Variants in MAP4K4 observed in about 807,000 individuals in gnomAD.
MAP4K4 encodes the protein HPK/GCK-like kinase HGK.
In MAP4K4, 38 loss-of-function variants were observed where a neutral mutation model predicts 189.6. That is an observed-to-expected ratio of 0.20 (90% CI 0.15 to 0.26). MAP4K4 has a LOEUF of 0.26. Among genes scored for constraint, MAP4K4 ranks in the 10% least tolerant of loss-of-function variants. The pLI is 1.00. For synonymous variants in MAP4K4, 610 were observed against 624.3 expected (o/e 0.98, Z 0.34); for missense variants, 1,054 against 1,726.9 (o/e 0.61, Z 6.91).
chr2:101,793,315 C>T (rs1283510364), intron 3 of MAP4K4, among the ~76,000 whole-genome samples: 1 of 152,176 alleles, frequency 6.6e-6, no homozygotes, highest in East Asian at 1.9e-4. Context: ...AGTCATTGCC[C>T]ATAGTAAGTG....
chr2:101,725,974 G>A (rs554653626), intron 2 of MAP4K4, among the ~76,000 whole-genome samples: 2 of 145,758 alleles, frequency 1.4e-5, no homozygotes, highest in East Asian at 3.9e-4. Context: ...TAAAAGCTGA[G>A]TGTTCTTATG....
At chr2:101,855,120 G>A (rs983674934) in intron 12 of MAP4K4, among the ~76,000 whole-genome samples, 48 of 152,168 alleles carry the variant, frequency 3.2e-4, no homozygotes, top group Admixed American at 3.9e-4. Flanking sequence ...ATGTCATCTT[G>A]CTCTGTTCTG....
At position 101,785,656 on chromosome 2, in the gene MAP4K4, C is replaced by CTCT; in HGVS notation, c.124-5063_124-5062insCTT. On this transcript the variant is annotated intron_variant, in intron 2 of 32. Transcript: ENST00000324219. ...TTTGAGAAGATAGGAACATTGCCAT[C>CTCT]TTCTTCTTTCTTTCTTTCTCCCTCT... Among the ~76,000 whole-genome samples the CTCT allele has an allele frequency of 7.9e-5, 5 of 62,930 alleles. 1 individual carries two copies. The highest frequency in any genetic ancestry group is 6.7e-3 in the Middle Eastern group (1 of 150). 41.3% of individuals were successfully genotyped at this position (62,930 alleles called of 152,430 possible).
chr2:101,856,119 G>A, exon 13 of MAP4K4: 1 of 1,551,332 alleles, frequency 6.4e-7, no homozygotes, highest in Non-Finnish European at 8.7e-7. Flanking sequence ...GAAGAAAAGA[G>A]GAGAGTTGAA....
At chr2:101,859,788 A>T (rs1308849887) in exon 15 of MAP4K4, 1 of 1,611,276 alleles carries the variant, frequency 6.2e-7, no homozygotes. Flanking sequence ...CCACCACCGC[A>T]GCAGGAAAGG....
intron 2 of MAP4K4, among the ~76,000 whole-genome samples, chr2:101,789,192 G>C (rs1480019211): frequency 6.6e-6 from 1 of 152,200 alleles, no homozygotes; most frequent in African/African-American, 2.4e-5. Context: ...AGTTGCCAAG[G>C]AGATGAACTT....
At chr2:101,795,397 T>G (rs1473271658) in intron 3 of MAP4K4, among the ~76,000 whole-genome samples, 1 of 152,236 alleles carries the variant, frequency 6.6e-6, no homozygotes, top group Non-Finnish European at 1.5e-5. Context: ...CTTCTCTCTT[T>G]GTCTGGATAT....
At chr2:101,731,337 G>C (rs1054260905) in intron 2 of MAP4K4, among the ~76,000 whole-genome samples, 6 of 151,754 alleles carry the variant, frequency 4.0e-5, no homozygotes, top group Non-Finnish European at 8.8e-5. Context: ...GGCTGGCCTC[G>C]AACTCCTGAC....
chr2:101,877,139 A>G (rs777078711), exon 27 of MAP4K4: 16 of 1,614,006 alleles, frequency 9.9e-6, no homozygotes, highest in Admixed American at 3.3e-5. Flanking sequence ...TCTTGGTGAC[A>G]ATATCTGGTG....
chr2:101,788,252 A>G (rs534827743), intron 2 of MAP4K4, among the ~76,000 whole-genome samples: 2 of 152,224 alleles, frequency 1.3e-5, no homozygotes, highest in Non-Finnish European at 2.9e-5. Context: ...CAAGGAAATC[A>G]GCATGGGCCT....
At chr2:101,855,991 G>A in exon 13 of MAP4K4, 1 of 1,549,508 alleles carries the variant, frequency 6.5e-7, no homozygotes, top group Non-Finnish European at 8.7e-7. Context: ...AAAGGAGAGA[G>A]CGGGAAGCTA....
intron 13 of MAP4K4, among the ~76,000 whole-genome samples, chr2:101,857,704 G>A (rs997332189): frequency 1.3e-5 from 2 of 152,044 alleles, no homozygotes; most frequent in African/African-American, 4.8e-5. Context: ...GACTAAGTCC[G>A]CCCCACCCCT....
At chr2:101,856,890 C>T (rs1024087178) in intron 13 of MAP4K4, among the ~76,000 whole-genome samples, 1 of 152,180 alleles carries the variant, frequency 6.6e-6, no homozygotes, top group Admixed American at 6.5e-5. Flanking sequence ...TGTTAACTTT[C>T]AAATGTGACT....
At chr2:101,698,116 C>T (rs778588762) in exon 1 of MAP4K4, 2 of 1,282,092 alleles carry the variant, frequency 1.6e-6, no homozygotes, top group Non-Finnish European at 2.0e-6. Flanking sequence ...GTCTGGTGGA[C>T]ATCGACCTCT....
chr2:101,879,195 C>CAAAAA (rs61482872), intron 27 of MAP4K4, among the ~76,000 whole-genome samples: 1 of 67,446 alleles, frequency 1.5e-5, no homozygotes, highest in African/African-American at 6.2e-5. Flanking sequence ...AGCCTGTCTC[C>CAAAAA]AAAAAAAAAA....
At chr2:101,836,892 G>A (rs1048078247) in intron 9 of MAP4K4, among the ~76,000 whole-genome samples, 13 of 152,106 alleles carry the variant, frequency 8.5e-5, no homozygotes, top group African/African-American at 3.1e-4. Context: ...GGAACATGGT[G>A]TTGGGTTAGT....
intron 2 of MAP4K4, among the ~76,000 whole-genome samples, chr2:101,756,986 C>A (rs1276190316): frequency 6.6e-6 from 1 of 152,016 alleles, no homozygotes; most frequent in Non-Finnish European, 1.5e-5. Context: ...TCTTTAACAC[C>A]GTTATTGATT....
At chr2:101,882,075 A>T (rs1459673773) in intron 27 of MAP4K4, among the ~76,000 whole-genome samples, 1 of 152,220 alleles carries the variant, frequency 6.6e-6, no homozygotes, top group Non-Finnish European at 1.5e-5. Context: ...ACTTTAATAG[A>T]TAGTGCCAAA....
intron 26 of MAP4K4, among the ~76,000 whole-genome samples, 183 bp downstream of exon 26, chr2:101,874,435 A>T (rs539499095): frequency 8.5e-5 from 13 of 152,260 alleles, no homozygotes; most frequent in African/African-American, 2.4e-4. Context: ...ATATGATTGC[A>T]CTCATTTTAA....
Sources: gnomAD v4.1 joint callset for allele counts (sites outside exome capture counted in the v4.1 genomes callset) on GRCh38, gnomAD v4.1.1 for gene constraint, MANE v1.5 for transcripts, NCBI Gene and HGNC (gene_info 2026-07-23, HGNC 2026-07-21) for gene names.